The following PSMA5 variants were observed in gnomAD, a reference collection of about 807,000 sequenced individuals.
The protein encoded by PSMA5 is proteasome 20S subunit alpha 5.
Under a neutral mutation model 34.5 loss-of-function variants are expected in PSMA5, and 3 were observed. The ratio of observed to expected loss-of-function variants is 0.09; its 90% confidence interval spans 0.04 to 0.22. The LOEUF (loss-of-function observed/expected upper bound fraction) is 0.22, where lower values mean the gene tolerates loss of function less well. Ranked by LOEUF, PSMA5 falls within the 10% of genes least tolerant of loss-of-function variation. The pLI is 1.00. For missense variants in PSMA5, 120 were observed against 286.1 expected (o/e 0.42, Z 4.19); for synonymous variants, 88 against 95.8 (o/e 0.92, Z 0.47).
chr1:109,402,766 C>A (rs1357277874), intron 8 of PSMA5, among the ~76,000 whole-genome samples: 1 of 152,174 alleles, frequency 6.6e-6, no homozygotes, highest in Non-Finnish European at 1.5e-5. Flanking sequence ...AGTGCAATGG[C>A]GTGATCTAGG....
intron 1 of PSMA5, among the ~76,000 whole-genome samples, chr1:109,422,973 T>C (rs939948425): frequency 2.6e-5 from 4 of 152,244 alleles, no homozygotes; most frequent in African/African-American, 9.6e-5. Context: ...CTTTCCACCT[T>C]TCCTTGCTCA....
rs116038074 is a variant in PSMA5, at chr1:109,416,606, G to A, written c.97-1243C>T. Reference sequence around the variant, plus strand: ...TGCAAAGAGTTCCAAAGAATCCCACGAATCTTTATGTATAACTTGCTTAAC... The same window carrying A: ...TGCAAAGAGTTCCAAAGAATCCCACAAATCTTTATGTATAACTTGCTTAAC... On this transcript the variant is annotated intron_variant, in intron 2 of 8. Coordinates refer to ENST00000271308, the MANE Select transcript of PSMA5 (RefSeq NM_002790.4). Among the ~76,000 whole-genome samples the A allele has an allele frequency of 2.9e-3, 448 of 152,246 alleles. 1 individual carries two copies. The highest frequency in any genetic ancestry group is 0.01 in the African/African-American group (433 of 41,542).
rs1259121630 is a variant in PSMA5, at chr1:109,409,777, TG to T, written c.648+150del. The T allele has an allele frequency of 1.4e-5, 8 of 575,266 alleles. No homozygotes were observed. The East Asian group carries it at 2.4e-4, about 17-fold the overall frequency. 35.6% of individuals were successfully genotyped at this position (575,266 alleles called of 1,614,324 possible). On this transcript the variant is annotated intron_variant, in intron 8 of 8. Transcript: ENST00000271308. ...AAAATTAAAAAACATTAACCAGGCA[TG>T]GTGTGTGCACCTGTAGTCCCAGCTA... is the stretch of plus-strand genomic sequence containing the variant.
intron 2 of PSMA5, among the ~76,000 whole-genome samples, chr1:109,416,121 A>G (rs1654184076): frequency 6.6e-6 from 1 of 152,208 alleles, no homozygotes; most frequent in South Asian, 2.1e-4. Flanking sequence ...GTGCCTGCCA[A>G]ATATGAACAA....
chr1:109,409,468 CT>C (rs1653910880), intron 8 of PSMA5, among the ~76,000 whole-genome samples: 1 of 152,228 alleles, frequency 6.6e-6, no homozygotes, highest in African/African-American at 2.4e-5. Flanking sequence ...CATTCTTTAA[CT>C]CACTGAATTC....
chr1:109,424,096 A>C (rs3931560), intron 1 of PSMA5, among the ~76,000 whole-genome samples: 98,277 of 151,840 alleles, frequency 0.65, 33,660 homozygotes, highest in East Asian at 0.96. Context: ...TCTCCAACCC[A>C]CAACTATTGA....
intron 8 of PSMA5, 87 bp downstream of exon 8, chr1:109,409,841 G>T: frequency 1.1e-6 from 1 of 881,242 alleles, no homozygotes; most frequent in South Asian, 1.6e-5. Flanking sequence ...TTGAACTCAT[G>T]AGTTCAAGAC....
rs994818252 is a variant in PSMA5, at chr1:109,401,140, A to C, written c.*873T>G. The C allele has an allele frequency of 6.6e-6, 1 of 152,342 alleles. No individual in the cohort carries two copies. Among genetic ancestry groups the C allele is most frequent in the African/African-American group, 2.4e-5 (1 of 41,580 alleles). 9.4% of individuals were successfully genotyped at this position (152,342 alleles called of 1,614,324 possible). A position where few individuals can be genotyped will look rare whatever the true frequency, so the allele number is the denominator to read the frequency against. On this transcript the variant is annotated 3_prime_UTR_variant, in exon 9 of 9. Transcript: ENST00000271308. ...TCATATGATGGCAGCTCTAATGGGGAAAGTTCATCATTCATTCCAAAGTCT... is the reference window on the plus strand; with the variant it reads ...TCATATGATGGCAGCTCTAATGGGGCAAGTTCATCATTCATTCCAAAGTCT...
In PSMA5 at chr1:109,399,151, AT is replaced by A. The variant is rs745790207; in HGVS notation, c.*2861del. The stretch of plus-strand genomic sequence containing the variant: ...CCCAACCCGATATTTACATTAAAAT[AT>A]TTCCAGTCACATTAACTTTCAAACA... On this transcript the variant is annotated 3_prime_UTR_variant, in exon 9 of 9. Coordinates refer to ENST00000271308, the MANE Select transcript of PSMA5 (RefSeq NM_002790.4). The A allele has an allele frequency of 1.3e-5, 2 of 152,240 alleles. No individual in the cohort carries two copies. The highest frequency in any genetic ancestry group is 2.4e-5 in the African/African-American group (1 of 41,460). The allele number at this position is 152,240 out of a possible 1,614,324, so 9.4% of individuals were successfully genotyped here.
At chr1:109,403,516 C>T (rs1237897737) in intron 8 of PSMA5, among the ~76,000 whole-genome samples, 2 of 151,682 alleles carry the variant, frequency 1.3e-5, no homozygotes, top group African/African-American at 2.4e-5. Flanking sequence ...CTGTGTCCCA[C>T]GTACTCAGGA....
At chr1:109,405,520 C>A (rs1296422432) in intron 8 of PSMA5, among the ~76,000 whole-genome samples, 1 of 148,762 alleles carries the variant, frequency 6.7e-6, no homozygotes, top group Admixed American at 6.8e-5. Flanking sequence ...TCACTGCAAC[C>A]TCCGCCTCCT....
chr1:109,424,232 AT>A (rs1654559709), intron 1 of PSMA5, among the ~76,000 whole-genome samples: 1 of 151,992 alleles, frequency 6.6e-6, no homozygotes, highest in Admixed American at 6.5e-5. Context: ...CATGGTATTG[AT>A]TTGAATTTCT....
chr1:109,403,058 TAGGA>T (rs1653601899), intron 8 of PSMA5, among the ~76,000 whole-genome samples: 3 of 152,150 alleles, frequency 2.0e-5, no homozygotes, highest in African/African-American at 7.2e-5. Context: ...AACACTGGCA[TAGGA>T]AACCAGTTGT....
chr1:109,415,659 AAAG>A (rs1557843046), intron 2 of PSMA5, among the ~76,000 whole-genome samples: 1 of 151,906 alleles, frequency 6.6e-6, no homozygotes, highest in Non-Finnish European at 1.5e-5. Flanking sequence ...CAGAACCCCA[AAAG>A]AGTAAGTTCA....
At chr1:109,426,122 C>T (rs1654646968) in intron 1 of PSMA5, 180 bp downstream of exon 1, 2 of 749,520 alleles carry the variant, frequency 2.7e-6, no homozygotes, top group Admixed American at 5.2e-5. Flanking sequence ...GGACAAGTGC[C>T]GCCGATGTGG....
At chr1:109,412,381 G>T (rs1032359965) in intron 4 of PSMA5, 197 bp from the exon 5 acceptor site, 4 of 537,128 alleles carry the variant, frequency 7.4e-6, no homozygotes, top group African/African-American at 3.8e-5. Context: ...ATATCACAAG[G>T]ACTCTACGCA....
chr1:109,408,330 G>A (rs936615328), intron 8 of PSMA5, among the ~76,000 whole-genome samples: 2 of 152,038 alleles, frequency 1.3e-5, no homozygotes, highest in Non-Finnish European at 2.9e-5. Flanking sequence ...ATGTTGTCCC[G>A]TCTTCCTGGA....
At chr1:109,420,851 C>T (rs1654410252) in intron 2 of PSMA5, among the ~76,000 whole-genome samples, 1 of 151,936 alleles carries the variant, frequency 6.6e-6, no homozygotes. Context: ...GATAAACATG[C>T]TAAAATGTAC....
At chr1:109,410,928 A>C in intron 7 of PSMA5, 83 bp downstream of exon 7, 1 of 1,042,522 alleles carries the variant, frequency 9.6e-7, no homozygotes, top group Non-Finnish European at 1.4e-6. Context: ...AACAGAACTG[A>C]ACTCTTAAGG....
Sources: allele counts gnomAD v4.1 joint callset (sites outside exome capture counted in the v4.1 genomes callset), GRCh38; gene constraint gnomAD v4.1.1; transcripts MANE v1.5; gene names NCBI Gene and HGNC (gene_info 2026-07-23, HGNC 2026-07-21).